The following GORASP1 variants were observed in gnomAD, a reference collection of about 807,000 sequenced individuals.
The protein encoded by GORASP1 is Golgi reassembly-stacking protein 1.
In GORASP1, 31 loss-of-function variants were observed where a neutral mutation model predicts 37.7. That is an observed-to-expected ratio of 0.82 (90% CI 0.62 to 1.11). The LOEUF is 1.11. Among genes scored for constraint, GORASP1 ranks in the 50% least tolerant of loss-of-function variants. GORASP1 has a pLI of 0.00. For synonymous variants in GORASP1, 204 were observed against 224.8 expected (o/e 0.91, Z 0.83); for missense variants, 476 against 560.7 (o/e 0.85, Z 1.53).
In GORASP1 at chr3:39,102,761, T is replaced by A. The variant is rs1484859360; in HGVS notation, c.265A>T (p.Met89Leu). 1 of 1,614,026 alleles carries A rather than the reference T, an allele frequency of 6.2e-7. No homozygotes were observed. The highest frequency in any genetic ancestry group is 8.5e-7 in the Non-Finnish European group (1 of 1,180,034). ...VREVEVVPSNMWGGQGLLGAS... is the reference protein window; with the variant it reads ...VREVEVVPSNLWGGQGLLGAS... ...CCCAGTAGGCCCTGGCCGCCCCACA[T>A]GTTGCTGGGCACCACCTCCACCTCG... Residue 89 changes from methionine (M) to leucine (L), a missense_variant, in exon 3 of 9, where the codon ATG becomes TTG. Physicochemically the swap from Met to Leu is conservative, Grantham distance 15. Coordinates refer to ENST00000319283, the MANE Select transcript of GORASP1 (RefSeq NM_031899.4). This position sits in a 1 kb window ranked among gnomAD's most constrained non-coding sequence, Gnocchi z 5.0.
intron 1 of GORASP1, among the ~76,000 whole-genome samples, chr3:39,106,642 G>A (rs1007837551): frequency 6.6e-6 from 1 of 152,086 alleles, no homozygotes; most frequent in African/African-American, 2.4e-5. Flanking sequence ...ACTAGGGAAA[G>A]GGGGGGTGCA....
intron 7 of GORASP1, 198 bp from the exon 8 acceptor site, chr3:39,099,091 G>T (rs1306564699): frequency 2.5e-6 from 2 of 812,114 alleles, no homozygotes; most frequent in Non-Finnish European, 4.1e-6. Flanking sequence ...GCCTGGAGTT[G>T]GTCATCATGT....
At chr3:39,107,230 T>C in intron 1 of GORASP1, 1 of 540,020 alleles carries the variant, frequency 1.9e-6, no homozygotes, top group Non-Finnish European at 3.5e-6. Flanking sequence ...AACGCTCCGC[T>C]TCCGGCACTG....
rs765475835 is a variant in GORASP1 at position 39,098,488 on chromosome 3, A to G, written c.1071T>C (p.Gly357=). Reference sequence around the variant, plus strand: ...ACTCTGACCCAGACCATGTAGCCTCACCTGCAACACAGAAGATCAGGCTGA... The same window carrying G: ...ACTCTGACCCAGACCATGTAGCCTCGCCTGCAACACAGAAGATCAGGCTGA... ...CSSSSSHERG[G]EATWSGSEFE... Residue 357 remains glycine (G), a splice_region_variant and synonymous_variant, in exon 9 of 9, where the codon GGT becomes GGC. Transcript: ENST00000319283. This position sits in a 1 kb window ranked among gnomAD's most constrained non-coding sequence, Gnocchi z 4.7. The G allele has an allele frequency of 7.4e-6, 12 of 1,611,862 alleles. No individual in the cohort carries two copies. In the Admixed American group the frequency reaches 1.7e-4, roughly 22 times the overall value.
Position 39,101,099 on chromosome 3 carries a change from C to T in GORASP1, c.352G>A (p.Val118Met). The change falls in exon 4 of 9, where the codon GTG becomes ATG. Residue 118 changes from valine to methionine, a missense_variant. Physicochemically the swap from Val to Met is conservative, Grantham distance 21 (BLOSUM62 1). Transcript: ENST00000319283. The stretch of plus-strand genomic sequence containing the variant: ...AGGGCAGCAGGTGAAGATGGTTCCA[C>T]ATCCTGGGGAAAGAACCGCAAACCA... ...ASEQVWHVLD[V>M]EPSSPAALAG... is the part of the protein sequence containing the mutation. 1 of 1,614,112 alleles carries T rather than the reference C, an allele frequency of 6.2e-7. No individual in the cohort carries two copies. Among genetic ancestry groups the T allele is most frequent in the Non-Finnish European group, 8.5e-7 (1 of 1,179,962 alleles).
At position 39,098,820 on chromosome 3, in the gene GORASP1, G is replaced by A. The variant is rs769855651; in HGVS notation, c.990C>T (p.Ser330=). ...NASVWPSLPS[S]TELTTTAVST... The stretch of plus-strand genomic sequence containing the variant: ...AGACAGCTGTGGTGGTCAGTTCTGT[G>A]GAAGAGGGCAGGCTGGGCCACACAC... Residue 330 remains serine (S), a synonymous_variant, in exon 8 of 9, where the codon TCC becomes TCT. Coordinates refer to ENST00000319283, the MANE Select transcript of GORASP1 (RefSeq NM_031899.4). The surrounding 1 kb of genome is among the most constrained non-coding windows in gnomAD (Gnocchi z 4.7). 2.5e-6 allele frequency: 4 copies of A among 1,614,200 alleles called. No individual in the cohort carries two copies. Among genetic ancestry groups the A allele is most frequent in the Non-Finnish European group, 3.4e-6 (4 of 1,180,018 alleles).
chr3:39,098,935 G>A lies in GORASP1; in HGVS notation c.917-42C>T, dbSNP rs976463233. On this transcript the variant is annotated intron_variant, in intron 7 of 8. Transcript: ENST00000319283. The surrounding 1 kb of genome is among the most constrained non-coding windows in gnomAD (Gnocchi z 4.7). ...CAGTTCTTTGCCAGCAAGAAACCCTGACTGCTGGAAAGCAGCACCCTGGGC... is the reference window on the plus strand; with the variant it reads ...CAGTTCTTTGCCAGCAAGAAACCCTAACTGCTGGAAAGCAGCACCCTGGGC... The A allele has an allele frequency of 6.2e-7, 1 of 1,609,716 alleles. No homozygotes were observed. Among genetic ancestry groups the A allele is most frequent in the Admixed American group, 1.7e-5 (1 of 59,770 alleles).
Position 39,103,426 on chromosome 3 carries a change from A to G in GORASP1, c.144+47T>C, listed in dbSNP as rs1243534490. On this transcript the variant is annotated intron_variant, in intron 2 of 8. Transcript: ENST00000319283. This position sits in a 1 kb window ranked among gnomAD's most constrained non-coding sequence, Gnocchi z 5.2. Reference sequence around the variant, plus strand: ...CCCCCTGTGGGACAGATGAAGACACACAAACACACATAAGCAAGCAAAGCA... The same window carrying G: ...CCCCCTGTGGGACAGATGAAGACACGCAAACACACATAAGCAAGCAAAGCA... 1 of 1,518,376 alleles carries G rather than the reference A, an allele frequency of 6.6e-7. No individual in the cohort carries two copies. Among genetic ancestry groups the G allele is most frequent in the African/African-American group, 1.4e-5 (1 of 72,716 alleles). 94.1% of individuals were successfully genotyped at this position (1,518,376 alleles called of 1,614,324 possible).
Position 39,103,396 on chromosome 3 carries a change from TG to T in GORASP1, c.144+76del, listed in dbSNP as rs1272603849. 2.5e-6 allele frequency: 3 copies of T among 1,210,544 alleles called. No individual in the cohort carries two copies. Among genetic ancestry groups the T allele is most frequent in the African/African-American group, 1.5e-5 (1 of 65,894 alleles). The allele number at this position is 1,210,544 out of a possible 1,614,324, so 75.0% of individuals were successfully genotyped here. The stretch of plus-strand genomic sequence containing the variant: ...GAAAAAAAGGGAGGGAAGGGTAGAC[TG>T]GGGCCCCCTGTGGGACAGATGAAGA... On this transcript the variant is annotated intron_variant, in intron 2 of 8. Transcript: ENST00000319283. This position sits in a 1 kb window ranked among gnomAD's most constrained non-coding sequence, Gnocchi z 5.2.
In GORASP1 at chr3:39,099,259, G is replaced by A. The variant is rs534468677; in HGVS notation, c.916+94C>T. 102 of 1,341,154 alleles carry A rather than the reference G, an allele frequency of 7.6e-5. 1 individual carries two copies. In the Middle Eastern group the frequency reaches 1.4e-3, roughly 19 times the overall value. 83.1% of individuals were successfully genotyped at this position (1,341,154 alleles called of 1,614,324 possible). A position where few individuals can be genotyped will look rare whatever the true frequency, so the allele number is the denominator to read the frequency against. Reference sequence around the variant, plus strand: ...AAATATCTTGGTATACATGAGATATGAGGGGTCAGCAAGGCCTGGGGAAAG... The same window carrying A: ...AAATATCTTGGTATACATGAGATATAAGGGGTCAGCAAGGCCTGGGGAAAG... On this transcript the variant is annotated intron_variant, in intron 7 of 8. Transcript: ENST00000319283.
At chr3:39,107,431 G>C (rs2036269034) in intron 1 of GORASP1, 48 bp downstream of exon 1, 2 of 1,215,834 alleles carry the variant, frequency 1.6e-6, no homozygotes, top group Admixed American at 4.3e-5. Flanking sequence ...CCGGGCGCGG[G>C]GTTGCGGGCG....
chr3:39,098,900 G>GACCT lies in GORASP1; in HGVS notation c.917-8_917-7insAGGT. The GACCT allele has an allele frequency of 1.2e-6, 2 of 1,613,730 alleles. No homozygotes were observed. Among genetic ancestry groups the GACCT allele is most frequent in the East Asian group, 4.5e-5 (2 of 44,870 alleles). On this transcript the variant is annotated splice_polypyrimidine_tract_variant and splice_region_variant and intron_variant, in intron 7 of 8. Coordinates refer to ENST00000319283, the MANE Select transcript of GORASP1 (RefSeq NM_031899.4). The surrounding 1 kb of genome is among the most constrained non-coding windows in gnomAD (Gnocchi z 4.7). ...CCCGACACGTCCAGGAAGCCTAGGG[G>GACCT]AGGGTGGTGCAGTTCTTTGCCAGCA...
chr3:39,098,311 TG>T lies in GORASP1; in HGVS notation c.1247del (p.Ala416GlufsTer6), dbSNP rs1268803861. On this transcript the variant is annotated frameshift_variant, in exon 9 of 9. Transcript: ENST00000319283. LOFTEE classifies it low-confidence loss of function (END_TRUNC). This position sits in a 1 kb window ranked among gnomAD's most constrained non-coding sequence, Gnocchi z 4.7. ...LLEAQAEEEP[A>X]STEGLDTGTE... is the part of the protein sequence containing the mutation. ...TCCCAGTATCTAGGCCCTCTGTGCT[TG>T]CTGGTTCCTCCTCAGCCTGAGCTTC... The T allele has an allele frequency of 6.2e-7, 1 of 1,614,182 alleles. No individual in the cohort carries two copies. The highest frequency in any genetic ancestry group is 1.7e-5 in the Admixed American group (1 of 60,024).
intron 7 of GORASP1, 75 bp downstream of exon 7, chr3:39,099,278 G>A: frequency 2.6e-6 from 4 of 1,546,122 alleles, no homozygotes; most frequent in Non-Finnish European, 3.6e-6. Flanking sequence ...GCAAGGCCTG[G>A]GGAAAGTTTT....
Position 39,099,437 on chromosome 3 carries a change from T to A in GORASP1, c.832A>T (p.Ser278Cys). The A allele has an allele frequency of 6.2e-7, 1 of 1,612,262 alleles. No individual in the cohort carries two copies. ...PLPGPGSPSH[S>C]APDPDGLPHF... ...GGAAGTCCATCAGGGTCTGGAGCAC[T>A]GTGGCTGGGACTCCCAGGCCCAGGA... is the stretch of plus-strand genomic sequence containing the variant. The change falls in exon 7 of 9, where the codon AGT becomes TGT. Residue 278 changes from serine (S) to cysteine (C), a missense_variant. Transcript: ENST00000319283.
At position 39,098,291 on chromosome 3, in the gene GORASP1, G is replaced by C. The variant is rs747860364; in HGVS notation, c.1268C>G (p.Thr423Ser). Residue 423 changes from threonine to serine, a missense_variant, in exon 9 of 9, where the codon ACT becomes AGT. Transcript: ENST00000319283. The surrounding 1 kb of genome is among the most constrained non-coding windows in gnomAD (Gnocchi z 4.7). Reference protein sequence around the residue: ...EEPASTEGLDTGTEAEGLDSQ... With the variant: ...EEPASTEGLDSGTEAEGLDSQ... ...GTCCAGCCCCTCAGCCTCCGTCCCA[G>C]TATCTAGGCCCTCTGTGCTTGCTGG... is the stretch of plus-strand genomic sequence containing the variant. The C allele has an allele frequency of 6.2e-7, 1 of 1,614,194 alleles. No homozygotes were observed. The highest frequency in any genetic ancestry group is 1.1e-5 in the South Asian group (1 of 91,086).
Position 39,100,604 on chromosome 3 carries a change from T to C in GORASP1, c.567-101A>G. ...CCAGCAATAAGGGGGCTGAAAAGGG[T>C]ACTTCTGAAATACCGGTCAGCCTCA... On this transcript the variant is annotated intron_variant, in intron 5 of 8. Coordinates refer to ENST00000319283, the MANE Select transcript of GORASP1 (RefSeq NM_031899.4). This position sits in a 1 kb window ranked among gnomAD's most constrained non-coding sequence, Gnocchi z 4.6. 2 of 1,474,048 alleles carry C rather than the reference T, an allele frequency of 1.4e-6. No homozygotes were observed. Among genetic ancestry groups the C allele is most frequent in the South Asian group, 2.7e-5 (2 of 75,192 alleles). The allele number at this position is 1,474,048 out of a possible 1,614,324, so 91.3% of individuals were successfully genotyped here.
In GORASP1 at chr3:39,097,981, T is replaced by G; in HGVS notation, c.*255A>C. ...AACCCCTTCCTTCCTCACCTCATCT[T>G]CACACTGGATTATGACCAGACCCTG... On this transcript the variant is annotated 3_prime_UTR_variant, in exon 9 of 9. Coordinates refer to ENST00000319283, the MANE Select transcript of GORASP1 (RefSeq NM_031899.4). The G allele has an allele frequency of 1.9e-6, 1 of 523,146 alleles. No individual in the cohort carries two copies. Among genetic ancestry groups the G allele is most frequent in the Non-Finnish European group, 3.4e-6 (1 of 292,012 alleles). The allele number at this position is 523,146 out of a possible 1,614,324, so 32.4% of individuals were successfully genotyped here. A position where few individuals can be genotyped will look rare whatever the true frequency, so the allele number is the denominator to read the frequency against.
At chr3:39,099,547 C>T in intron 6 of GORASP1, 44 bp from the exon 7 acceptor site, 1 of 1,583,232 alleles carries the variant, frequency 6.3e-7, no homozygotes, top group Non-Finnish European at 8.6e-7. Flanking sequence ...CAGGACAGTG[C>T]CTCAAGGTGA....
Sources: gnomAD v4.1 joint callset for allele counts (sites outside exome capture counted in the v4.1 genomes callset) on GRCh38, gnomAD v4.1.1 for gene constraint, Gnocchi (gnomAD v3.1) non-coding constraint, MANE v1.5 for transcripts, NCBI Gene and HGNC (gene_info 2026-07-23, HGNC 2026-07-21) for gene names.